SNRK: variants seen among roughly 807,000 people sequenced by gnomAD.
SNRK encodes the protein SNF-related serine/threonine-protein kinase.
In SNRK, 3 loss-of-function variants were observed where a neutral mutation model predicts 48.2. The observed-to-expected ratio is 0.06, with a 90% confidence interval of 0.03 to 0.16. SNRK has a LOEUF of 0.16. Among genes scored for constraint, SNRK ranks in the 10% least tolerant of loss-of-function variants. SNRK has a pLI of 1.00. For synonymous variants in SNRK, 376 were observed against 366.1 expected, an observed-to-expected ratio of 1.03 and a Z score of -0.31; for missense variants, 627 against 976.0, an observed-to-expected ratio of 0.64 and a Z score of 4.76.
chr3:43,315,089 G>A (rs917309488), intron 3 of SNRK: 1 of 152,112 alleles, frequency 6.6e-6, no homozygotes. Context: ...CATTAATATG[G>A]TGACCTCTTG....
chr3:43,343,755 A>G lies in SNRK; in HGVS notation c.1079+277A>G, dbSNP rs547795189. On this transcript the variant is annotated intron_variant, in intron 6 of 6. Coordinates refer to ENST00000296088, the MANE Select transcript of SNRK (RefSeq NM_017719.5). Reference sequence around the variant, plus strand: ...ATGTTTGGAGAAGCAGCCTCAAGCCAGAGTGTCTTGCTAGTTATTTTCATT... The same window carrying G: ...ATGTTTGGAGAAGCAGCCTCAAGCCGGAGTGTCTTGCTAGTTATTTTCATT... Among the ~76,000 whole-genome samples the G allele has an allele frequency of 5.9e-5, 9 of 152,326 alleles. No homozygotes were observed. In the South Asian group the frequency reaches 1.9e-3, roughly 32 times the overall value.
At chr3:43,295,466 T>G (rs2090845659) in intron 1 of SNRK, among the ~76,000 whole-genome samples, 1 of 152,238 alleles carries the variant, frequency 6.6e-6, no homozygotes, top group Non-Finnish European at 1.5e-5. Context: ...AAATGCTTTC[T>G]TAGAGACTCA....
chr3:43,331,993 TGAA>T lies in SNRK; in HGVS notation c.590-170_590-168del, dbSNP rs2091149995. Among the ~76,000 whole-genome samples the T allele has an allele frequency of 2.0e-5, 3 of 152,224 alleles. No individual in the cohort carries two copies. In the South Asian group the frequency reaches 6.2e-4, roughly 32 times the overall value. Reference sequence around the variant, plus strand: ...GTACTAGCAATTACTGTAAAAACATTGAAGAAGATAGACACCTTCCCTGCCCTA... The same window carrying T: ...GTACTAGCAATTACTGTAAAAACATTGAAGATAGACACCTTCCCTGCCCTA... On this transcript the variant is annotated intron_variant, in intron 3 of 6. Coordinates refer to ENST00000296088, the MANE Select transcript of SNRK (RefSeq NM_017719.5).
At chr3:43,311,614 A>C (rs1489733646) in intron 3 of SNRK, among the ~76,000 whole-genome samples, 2 of 152,202 alleles carry the variant, frequency 1.3e-5, no homozygotes, top group Non-Finnish European at 2.9e-5. Context: ...AGTGCAGTGC[A>C]GTGGTGTACA....
At chr3:43,296,601 A>G (rs2090857914) in intron 1 of SNRK, among the ~76,000 whole-genome samples, 1 of 151,956 alleles carries the variant, frequency 6.6e-6, no homozygotes, top group Non-Finnish European at 1.5e-5. Context: ...TTCTCATGCC[A>G]TGGATTGGTT....
chr3:43,326,208 C>T (rs1050751543), intron 3 of SNRK, among the ~76,000 whole-genome samples: 1 of 152,078 alleles, frequency 6.6e-6, no homozygotes, highest in Non-Finnish European at 1.5e-5. Context: ...TGCAGCTTAT[C>T]TTCCCTGATT....
intron 6 of SNRK, among the ~76,000 whole-genome samples, chr3:43,346,560 C>G (rs1291019327): frequency 1.3e-5 from 2 of 152,194 alleles, no homozygotes; most frequent in East Asian, 3.8e-4. Context: ...TTATTCACTA[C>G]TCTTGTATGG....
At chr3:43,327,640 A>G (rs1386181592) in intron 3 of SNRK, among the ~76,000 whole-genome samples, 1 of 152,086 alleles carries the variant, frequency 6.6e-6, no homozygotes, top group African/African-American at 2.4e-5. Flanking sequence ...TTTTTAGGAA[A>G]CCTCTCAGTA....
At chr3:43,339,958 T>G (rs2091222591) in intron 4 of SNRK, among the ~76,000 whole-genome samples, 1 of 149,864 alleles carries the variant, frequency 6.7e-6, no homozygotes, top group South Asian at 2.1e-4. Context: ...CTTTATTCTG[T>G]ATGTCATTGC....
rs1235994459 is a variant in SNRK, at chr3:43,347,260, A to C, written c.1080-79A>C. 2 of 1,387,034 alleles carry C rather than the reference A, an allele frequency of 1.4e-6. No individual in the cohort carries two copies. Among genetic ancestry groups the C allele is most frequent in the African/African-American group, 2.9e-5 (2 of 69,360 alleles). The allele number at this position is 1,387,034 out of a possible 1,614,324, so 85.9% of individuals were successfully genotyped here. ...TTAAGTCTGTAGATTTTGTCCCAGT[A>C]AGTTCATTGTGATGTACTTTACTAT... On this transcript the variant is annotated intron_variant, in intron 6 of 6. Coordinates refer to ENST00000296088, the MANE Select transcript of SNRK (RefSeq NM_017719.5). The surrounding 1 kb of genome is among the most constrained non-coding windows in gnomAD (Gnocchi z 5.4).
intron 3 of SNRK, chr3:43,315,024 C>T (rs149969880): frequency 2.0e-5 from 3 of 152,300 alleles, no homozygotes; most frequent in African/African-American, 7.2e-5. Context: ...CACTTGAGCC[C>T]AGGAGTTCTA....
intron 5 of SNRK, chr3:43,340,712 T>A: frequency 1.8e-6 from 1 of 558,364 alleles, no homozygotes; most frequent in South Asian, 2.1e-5. Flanking sequence ...AGTAAGCCAT[T>A]GCTGGGTGGT....
intron 3 of SNRK, among the ~76,000 whole-genome samples, chr3:43,323,985 G>C (rs1369571863): frequency 6.6e-6 from 1 of 152,146 alleles, no homozygotes; most frequent in Non-Finnish European, 1.5e-5. Flanking sequence ...CAGCTGCTCT[G>C]TATCTTGATT....
chr3:43,305,841 A>G (rs1481766554), intron 3 of SNRK, among the ~76,000 whole-genome samples: 1 of 152,182 alleles, frequency 6.6e-6, no homozygotes, highest in African/African-American at 2.4e-5. Flanking sequence ...GTTTAGGAGT[A>G]CATGAACATG....
In SNRK at chr3:43,349,048, C is replaced by T. The variant is rs1162977035; in HGVS notation, c.*491C>T. Reference sequence around the variant, plus strand: ...GAGCCAGCTAGCGACCTTGTGCCGCCCAGCTGTCCATGGCCCGTGCAGAGC... The same window carrying T: ...GAGCCAGCTAGCGACCTTGTGCCGCTCAGCTGTCCATGGCCCGTGCAGAGC... On this transcript the variant is annotated 3_prime_UTR_variant, in exon 7 of 7. Coordinates refer to ENST00000296088, the MANE Select transcript of SNRK (RefSeq NM_017719.5). 2 of 153,432 alleles carry T rather than the reference C, an allele frequency of 1.3e-5. No homozygotes were observed. The highest frequency in any genetic ancestry group is 2.4e-5 in the African/African-American group (1 of 41,460). 9.5% of individuals were successfully genotyped at this position (153,432 alleles called of 1,614,324 possible). A position where few individuals can be genotyped will look rare whatever the true frequency, so the allele number is the denominator to read the frequency against.
intron 1 of SNRK, among the ~76,000 whole-genome samples, chr3:43,295,990 T>C (rs7651008): frequency 0.97 from 147,473 of 152,246 alleles, 71,601 homozygotes; most frequent in East Asian, 1. Flanking sequence ...CTATCCGCTT[T>C]GGCCTCCCAA....
At chr3:43,340,658 GAC>G in intron 5 of SNRK, 159 bp downstream of exon 5, 2 of 669,552 alleles carry the variant, frequency 3.0e-6, no homozygotes, top group Non-Finnish European at 5.0e-6. Flanking sequence ...CCCAGGGCCT[GAC>G]ACAGGTTTTT....
chr3:43,312,871 A>G (rs6778197), intron 3 of SNRK, among the ~76,000 whole-genome samples: 1 of 152,044 alleles, frequency 6.6e-6, no homozygotes, highest in African/African-American at 2.4e-5. Context: ...CATCTAACAG[A>G]ACACATCTAA....
chr3:43,342,390 C>G (rs527631711), intron 5 of SNRK, among the ~76,000 whole-genome samples: 213 of 152,318 alleles, frequency 1.4e-3, no homozygotes, highest in African/African-American at 3.5e-3. Flanking sequence ...AAGCCAACTC[C>G]TGTATTTAGT....
Sources: allele counts gnomAD v4.1 joint callset (sites outside exome capture counted in the v4.1 genomes callset), GRCh38; gene constraint gnomAD v4.1.1; non-coding constraint Gnocchi (gnomAD v3.1); transcripts MANE v1.5; gene names NCBI Gene and HGNC (gene_info 2026-07-23, HGNC 2026-07-21).